FBXL13: variants seen among roughly 807,000 people sequenced by gnomAD.
FBXL13 encodes the protein F-box and leucine-rich repeat protein 13.
FBXL13 carries 67 observed loss-of-function variants against 83.6 expected under a neutral mutation model. The ratio of observed to expected loss-of-function variants is 0.80; its 90% CI spans 0.66 to 0.98. The LOEUF (loss-of-function observed/expected upper bound fraction) is 0.98, where lower values mean the gene tolerates loss of function less well. FBXL13 is among the 50% of genes least tolerant of loss of function. The pLI, the probability that FBXL13 is intolerant of heterozygous loss-of-function variation, is 0.00. For missense variants in FBXL13, 822 were observed against 866.5 expected, an observed-to-expected ratio of 0.95 and a Z score of 0.64; for synonymous variants, 272 against 299.5, an observed-to-expected ratio of 0.91 and a Z score of 0.95.
chr7:103,060,092 T>C, intron 1 of FBXL13, among the ~76,000 whole-genome samples: 1 of 133,390 alleles, frequency 7.5e-6, no homozygotes, highest in African/African-American at 2.9e-5. Flanking sequence ...GACAAGGTCT[T>C]GCTCTGTAAC....
At chr7:102,890,817 G>GGCAGCCA (rs1204738388) in intron 11 of FBXL13, among the ~76,000 whole-genome samples, 1 of 152,158 alleles carries the variant, frequency 6.6e-6, no homozygotes, top group Non-Finnish European at 1.5e-5. Flanking sequence ...GACCCTCTAA[G>GGCAGCCA]GCAGCCAGAA....
At chr7:102,866,776 G>A (rs755097840) in intron 16 of FBXL13, among the ~76,000 whole-genome samples, 1 of 152,170 alleles carries the variant, frequency 6.6e-6, no homozygotes, top group Non-Finnish European at 1.5e-5. Context: ...TAAGTGTTTG[G>A]TTAAGAGGAA....
intron 4 of FBXL13, among the ~76,000 whole-genome samples, chr7:103,028,240 T>C (rs1258236229): frequency 2.0e-5 from 3 of 152,210 alleles, no homozygotes; most frequent in African/African-American, 7.2e-5. Flanking sequence ...ATATAATCTT[T>C]GTAAAAAGCA....
intron 7 of FBXL13, among the ~76,000 whole-genome samples, chr7:102,965,955 G>A (rs1585165824): frequency 6.6e-6 from 1 of 152,288 alleles, no homozygotes; most frequent in East Asian, 1.9e-4. Flanking sequence ...TGAATAGGGG[G>A]ACTGGTGCCA....
chr7:103,054,259 A>G (rs1362629019), intron 2 of FBXL13, among the ~76,000 whole-genome samples: 1 of 152,022 alleles, frequency 6.6e-6, no homozygotes, highest in Non-Finnish European at 1.5e-5. Flanking sequence ...GCGTGGCAGC[A>G]TGCATCTGTA....
chr7:103,055,984 T>C (rs1797293469), intron 1 of FBXL13, among the ~76,000 whole-genome samples: 1 of 152,002 alleles, frequency 6.6e-6, no homozygotes, highest in South Asian at 2.1e-4. Flanking sequence ...CAATTTGTAG[T>C]CTTTCATCCC....
At chr7:102,917,985 T>G (rs958233256) in intron 10 of FBXL13, among the ~76,000 whole-genome samples, 1 of 152,192 alleles carries the variant, frequency 6.6e-6, no homozygotes. Flanking sequence ...AGAAAAAATA[T>G]TCAAATAAAA....
At chr7:102,913,342 T>G (rs1330898100) in intron 10 of FBXL13, 127 bp from the exon 12 acceptor site, 2 of 1,145,654 alleles carry the variant, frequency 1.7e-6, no homozygotes, top group African/African-American at 3.1e-5. Flanking sequence ...AACATTTAAC[T>G]TTACTGTTAA....
chr7:102,943,438 A>G (rs1821855052), intron 8 of FBXL13, among the ~76,000 whole-genome samples: 1 of 152,204 alleles, frequency 6.6e-6, no homozygotes, highest in Non-Finnish European at 1.5e-5. Context: ...GTAACAATAT[A>G]TTTCACAATT....
chr7:102,830,664 A>G (rs1800501495), intron 18 of FBXL13, among the ~76,000 whole-genome samples: 1 of 152,208 alleles, frequency 6.6e-6, no homozygotes, highest in Non-Finnish European at 1.5e-5. Context: ...ACAATTAGCT[A>G]ACCATACAAA....
chr7:103,029,360 G>A (rs773253094), exon 3 of FBXL13: 1 of 1,545,242 alleles, frequency 6.5e-7, no homozygotes, highest in Non-Finnish European at 8.7e-7. Context: ...CCAAAAATGA[G>A]TCTTTACTAA....
chr7:103,048,780 C>A (rs1204420154), intron 2 of FBXL13, among the ~76,000 whole-genome samples: 1 of 152,120 alleles, frequency 6.6e-6, no homozygotes, highest in African/African-American at 2.4e-5. Context: ...TTTTACAAAC[C>A]TTCCACAACT....
chr7:102,874,341 G>A, intron 16 of FBXL13: 12 of 985,350 alleles, frequency 1.2e-5, no homozygotes, highest in Non-Finnish European at 1.4e-5. Flanking sequence ...CTCAGCTGTT[G>A]TAGCACTGTA....
intron 11 of FBXL13, among the ~76,000 whole-genome samples, chr7:102,884,968 CACCTCA>C (rs1810604293): frequency 6.6e-6 from 1 of 152,134 alleles, no homozygotes; most frequent in Non-Finnish European, 1.5e-5. Flanking sequence ...CATGCATGAA[CACCTCA>C]ATCGTTTTTA....
chr7:102,820,001 CCTAA>C (rs1399464247), intron 19 of FBXL13, among the ~76,000 whole-genome samples: 2 of 152,166 alleles, frequency 1.3e-5, no homozygotes, highest in Non-Finnish European at 2.9e-5. Flanking sequence ...TCAGGAGCCC[CCTAA>C]CTGACAAGTA....
intron 8 of FBXL13, among the ~76,000 whole-genome samples, chr7:102,941,844 C>T (rs998445516): frequency 6.6e-6 from 1 of 151,466 alleles, no homozygotes; most frequent in Admixed American, 6.6e-5. Context: ...TACAACAAAA[C>T]TAGTATACAA....
At chr7:102,975,360 C>A (rs1022231815) in intron 6 of FBXL13, among the ~76,000 whole-genome samples, 4 of 152,190 alleles carry the variant, frequency 2.6e-5, no homozygotes, top group African/African-American at 7.2e-5. Context: ...TCTCTTCCAC[C>A]CTCACCCCAG....
At chr7:102,901,315 C>T (rs61404409) in intron 11 of FBXL13, among the ~76,000 whole-genome samples, 20,684 of 152,060 alleles carry the variant, frequency 0.14, 1,575 homozygotes, top group East Asian at 0.3. Context: ...TTATGGGTTA[C>T]ATGAAATGTT....
chr7:102,862,113 G>A (rs1806944699), intron 16 of FBXL13, among the ~76,000 whole-genome samples: 1 of 152,096 alleles, frequency 6.6e-6, no homozygotes, highest in African/African-American at 2.4e-5. Context: ...TGGAGGCCAA[G>A]GCGGGTGGAT....
Sources: gnomAD v4.1 joint callset for allele counts (sites outside exome capture counted in the v4.1 genomes callset) on GRCh38, gnomAD v4.1.1 for gene constraint, MANE v1.5 for transcripts, NCBI Gene and HGNC (gene_info 2026-07-23, HGNC 2026-07-21) for gene names.